The following CBLL1 variants were observed in gnomAD, a reference collection of about 807,000 sequenced individuals.
The protein encoded by CBLL1 is E3 ubiquitin-protein ligase Hakai.
In CBLL1, 4 loss-of-function variants were observed where a neutral mutation model predicts 44.9. The ratio of observed to expected loss-of-function variants is 0.09; its 90% CI spans 0.04 to 0.20. The LOEUF is 0.20. CBLL1 is among the 10% of genes least tolerant of loss of function. The pLI, the probability that CBLL1 is intolerant of heterozygous loss-of-function variation, is 1.00. For missense variants in CBLL1, 569 were observed against 636.7 expected, an observed-to-expected ratio of 0.89 and a Z score of 1.14; for synonymous variants, 235 against 202.2, an observed-to-expected ratio of 1.16 and a Z score of -1.38.
Position 107,759,136 on chromosome 7 carries a change from A to G in CBLL1, c.1434A>G (p.Pro478=), listed in dbSNP as rs180734973. The stretch of plus-strand genomic sequence containing the variant: ...CTTCTCAAACCCCACTTCCTGGACC[A>G]CATCATCCAGATCAGACAAGATATA... ...GPPSQTPLPG[P]HHPDQTRYRP... is the part of the protein sequence containing the mutation. The change falls in exon 6 of 6, where the codon CCA becomes CCG. Residue 478 remains proline (P), a synonymous_variant. Coordinates refer to ENST00000440859, the MANE Select transcript of CBLL1 (RefSeq NM_024814.4). The G allele has an allele frequency of 3.1e-6, 5 of 1,613,720 alleles. No individual in the cohort carries two copies. In the African/African-American group the frequency reaches 5.3e-5, roughly 17 times the overall value.
Position 107,758,461 on chromosome 7 carries a change from T to C in CBLL1, c.759T>C (p.Tyr253=). The change falls in exon 6 of 6, where the codon TAT becomes TAC. Residue 253 remains tyrosine (Y), a synonymous_variant. Coordinates refer to ENST00000440859, the MANE Select transcript of CBLL1 (RefSeq NM_024814.4). The surrounding 1 kb of genome is among the most constrained non-coding windows in gnomAD (Gnocchi z 4.2). ...PPLQHVPHEH[Y]NQPHEDIRAP... ...TGCAACATGTGCCACATGAGCACTATAATCAGCCACATGAGGATATTCGTG... is the reference window on the plus strand; with the variant it reads ...TGCAACATGTGCCACATGAGCACTACAATCAGCCACATGAGGATATTCGTG... 1.2e-6 allele frequency: 2 copies of C among 1,614,140 alleles called. No homozygotes were observed. Among genetic ancestry groups the C allele is most frequent in the Non-Finnish European group, 1.7e-6 (2 of 1,180,032 alleles).
In CBLL1 at chr7:107,760,706, G is replaced by T. The variant is rs765493204; in HGVS notation, c.*1528G>T. The T allele has an allele frequency of 6.6e-6, 1 of 152,140 alleles. No homozygotes were observed. Among genetic ancestry groups the T allele is most frequent in the African/African-American group, 2.4e-5 (1 of 41,414 alleles). The allele number at this position is 152,140 out of a possible 1,614,324, so 9.4% of individuals were successfully genotyped here. A position where few individuals can be genotyped will look rare whatever the true frequency, so the allele number is the denominator to read the frequency against. ...TATCATTTATTAGATAGTTTGTAGTGTATACATTTAGAACATACTTCTTTT... is the reference window on the plus strand; with the variant it reads ...TATCATTTATTAGATAGTTTGTAGTTTATACATTTAGAACATACTTCTTTT... On this transcript the variant is annotated 3_prime_UTR_variant, in exon 6 of 6. Transcript: ENST00000440859.
rs3216898 is a variant in CBLL1, at chr7:107,752,446, C to CTGTG, written c.182-949_182-946dup. On this transcript the variant is annotated intron_variant, in intron 2 of 5. Transcript: ENST00000440859. Reference sequence around the variant, plus strand: ...TGTGTGTTAATGTGAATGTGTCTCTCTGTGTGTGTGTGTGTGTGTCTGTGT... The same window carrying CTGTG: ...TGTGTGTTAATGTGAATGTGTCTCTCTGTGTGTGTGTGTGTGTGTGTGTCTGTGT... 1,884 of 400,436 alleles carry CTGTG rather than the reference C, an allele frequency of 4.7e-3. 4 individuals carry two copies. Among genetic ancestry groups the CTGTG allele is most frequent in the Middle Eastern group, 8.4e-3 (23 of 2,730 alleles). The allele number at this position is 400,436 out of a possible 1,614,324, so 24.8% of individuals were successfully genotyped here. A position where few individuals can be genotyped will look rare whatever the true frequency, so the allele number is the denominator to read the frequency against.
At chr7:107,755,781 A>ATTCTTT (rs1793502955) in intron 5 of CBLL1, among the ~76,000 whole-genome samples, 2 of 152,268 alleles carry the variant, frequency 1.3e-5, no homozygotes, top group South Asian at 4.2e-4. Flanking sequence ...AGAAGTATTA[A>ATTCTTT]GATATATTGA....
At position 107,755,668 on chromosome 7, in the gene CBLL1, G is replaced by T. The variant is rs879244260; in HGVS notation, c.440+177G>T. ...AGGTTTCTCTTTAATATAGGGCAAGGTAGCCACTATCAGTCAACTCAAATT... is the reference window on the plus strand; with the variant it reads ...AGGTTTCTCTTTAATATAGGGCAAGTTAGCCACTATCAGTCAACTCAAATT... On this transcript the variant is annotated intron_variant, in intron 5 of 5. Transcript: ENST00000440859. 2.8e-4 allele frequency: 101 copies of T among 359,606 alleles called. No homozygotes were observed. Among genetic ancestry groups the T allele is most frequent in the Non-Finnish European group, 5.1e-6 (1 of 195,494 alleles). The allele number at this position is 359,606 out of a possible 1,614,324, so 22.3% of individuals were successfully genotyped here. A position where few individuals can be genotyped will look rare whatever the true frequency, so the allele number is the denominator to read the frequency against.
chr7:107,758,620 A>G lies in CBLL1; in HGVS notation c.918A>G (p.Arg306=), dbSNP rs1281786471. ...AGGATGACTCAAATTCAGGTGCTAG[A>G]GAACCACCACCTCCTGCCCCAGCAC... The part of the protein sequence containing the change: ...PIQDDSNSGA[R]EPPPPAPAPA... Residue 306 remains arginine, a synonymous_variant, in exon 6 of 6, where the codon AGA becomes AGG. Transcript: ENST00000440859. This position sits in a 1 kb window ranked among gnomAD's most constrained non-coding sequence, Gnocchi z 4.2. 6.2e-7 allele frequency: 1 copy of G among 1,614,050 alleles called. No individual in the cohort carries two copies. The highest frequency in any genetic ancestry group is 8.5e-7 in the Non-Finnish European group (1 of 1,179,998).
At chr7:107,745,158 G>GT (rs879734923) in intron 1 of CBLL1, among the ~76,000 whole-genome samples, 2 of 152,056 alleles carry the variant, frequency 1.3e-5, no homozygotes, top group Non-Finnish European at 2.9e-5. Context: ...TAGAACTTCT[G>GT]TTTTATGGAG....
In CBLL1 at chr7:107,753,408, C is replaced by G. The variant is rs754470430; in HGVS notation, c.182-3C>G. On this transcript the variant is annotated splice_polypyrimidine_tract_variant and splice_region_variant and intron_variant, in intron 2 of 5. Transcript: ENST00000440859. ...TTAATGGGCAATACTTTTTTTTTCT[C>G]AGAAGGATTTGATTATAATGAAGAA... 6.4e-7 allele frequency: 1 copy of G among 1,554,204 alleles called. No individual in the cohort carries two copies. Among genetic ancestry groups the G allele is most frequent in the Non-Finnish European group, 8.7e-7 (1 of 1,153,946 alleles).
chr7:107,754,799 A>C (rs887379318), intron 4 of CBLL1, among the ~76,000 whole-genome samples: 2 of 152,256 alleles, frequency 1.3e-5, no homozygotes, highest in East Asian at 1.9e-4. Flanking sequence ...AAAAAAAAAC[A>C]CACATAATTA....
chr7:107,759,341 T>C lies in CBLL1; in HGVS notation c.*163T>C. The C allele has an allele frequency of 1.6e-6, 1 of 625,340 alleles. No individual in the cohort carries two copies. Among genetic ancestry groups the C allele is most frequent in the Non-Finnish European group, 2.7e-6 (1 of 365,790 alleles). The allele number at this position is 625,340 out of a possible 1,614,324, so 38.7% of individuals were successfully genotyped here. A position where few individuals can be genotyped will look rare whatever the true frequency, so the allele number is the denominator to read the frequency against. ...TGGTTTTAAATCTTGACCTTAAGAT[T>C]GATTTCAAGTACCATACTGTAGTAC... On this transcript the variant is annotated 3_prime_UTR_variant, in exon 6 of 6. Coordinates refer to ENST00000440859, the MANE Select transcript of CBLL1 (RefSeq NM_024814.4).
intron 1 of CBLL1, among the ~76,000 whole-genome samples, chr7:107,748,040 A>C (rs1793097433): frequency 6.6e-6 from 1 of 152,226 alleles, no homozygotes; most frequent in African/African-American, 2.4e-5. Context: ...TCTACTTGAA[A>C]AAAGGTAACT....
chr7:107,748,821 C>T (rs1280967933), intron 1 of CBLL1, 59 bp from the exon 2 acceptor site: 2 of 1,445,964 alleles, frequency 1.4e-6, no homozygotes, highest in Admixed American at 4.4e-5. Flanking sequence ...ATACCTGTGG[C>T]AGAATAATCT....
At chr7:107,752,363 A>G (rs1201936713) in intron 2 of CBLL1, among the ~76,000 whole-genome samples, 2 of 152,146 alleles carry the variant, frequency 1.3e-5, no homozygotes, top group Non-Finnish European at 2.9e-5. Flanking sequence ...ATTGGCAGTA[A>G]TTAAATAGCA....
chr7:107,744,211 A>T, intron 1 of CBLL1, 35 bp downstream of exon 1: 1 of 1,538,460 alleles, frequency 6.5e-7, no homozygotes, highest in Non-Finnish European at 8.8e-7. Flanking sequence ...TCCCGGTTCC[A>T]AGCCCCCTTG....
At chr7:107,755,536 G>T in intron 5 of CBLL1, 45 bp downstream of exon 5, 1 of 1,144,770 alleles carries the variant, frequency 8.7e-7, no homozygotes. Context: ...TAAAGTTTTA[G>T]TGCAATGATT....
At chr7:107,750,341 T>C (rs1446026939) in intron 2 of CBLL1, among the ~76,000 whole-genome samples, 1 of 151,994 alleles carries the variant, frequency 6.6e-6, no homozygotes, top group African/African-American at 2.4e-5. Context: ...AGTCTTGCGC[T>C]GTCACCCAGG....
intron 1 of CBLL1, chr7:107,744,559 G>C (rs1333529762): frequency 7.9e-6 from 2 of 251,968 alleles, no homozygotes; most frequent in African/African-American, 4.5e-5. Context: ...TCCTCTTTAC[G>C]CTGGGAGTGG....
intron 2 of CBLL1, among the ~76,000 whole-genome samples, chr7:107,752,191 T>A (rs1793329948): frequency 6.9e-6 from 1 of 144,746 alleles, no homozygotes; most frequent in African/African-American, 2.6e-5. Context: ...AGAGTGAGAC[T>A]CTGTCTCAAA....
At chr7:107,749,937 T>TATA (rs199867031) in intron 2 of CBLL1, among the ~76,000 whole-genome samples, 9 of 149,940 alleles carry the variant, frequency 6.0e-5, no homozygotes, top group Non-Finnish European at 8.9e-5. Context: ...TGTATATATA[T>TATA]TTTTTTGTTT....
Sources: gnomAD v4.1 joint callset for allele counts (sites outside exome capture counted in the v4.1 genomes callset) on GRCh38, gnomAD v4.1.1 for gene constraint, Gnocchi (gnomAD v3.1) non-coding constraint, MANE v1.5 for transcripts, NCBI Gene and HGNC (gene_info 2026-07-23, HGNC 2026-07-21) for gene names.